Variants in RLBP1 observed in about 807,000 individuals in gnomAD.
The protein encoded by RLBP1 is retinaldehyde-binding protein 1.
RLBP1 carries 26 observed loss-of-function variants against 36.2 expected under a neutral mutation model. That is an observed-to-expected ratio of 0.72 (90% CI 0.53 to 1.00). RLBP1 has a LOEUF of 1.00. Ranked by LOEUF, RLBP1 falls within the 50% of genes least tolerant of loss-of-function variation. RLBP1 has a pLI of 0.00. For synonymous variants in RLBP1, 155 were observed against 156.2 expected, an observed-to-expected ratio of 0.99 and a Z score of 0.06; for missense variants, 410 against 402.4, an observed-to-expected ratio of 1.02 and a Z score of -0.16.
chr15:89,213,011 G>A (rs2051551260), intron 6 of RLBP1, among the ~76,000 whole-genome samples: 1 of 152,260 alleles, frequency 6.6e-6, no homozygotes, highest in South Asian at 2.1e-4. Flanking sequence ...GGGATTACAG[G>A]CATGAGCCAC....
rs146844731 is a variant in RLBP1, at chr15:89,218,967, T to G, written c.9A>C (p.Glu3Asp). ...CCCTGGAGGACAGGGTACTTACCCC[T>G]TCTGACATGTTGCCTATGGAAGACA... MSEGVGTFRMVPE... is the reference protein window; with the variant it reads MSDGVGTFRMVPE... Residue 3 changes from glutamate to aspartate, a missense_variant, in exon 3 of 9, where the codon GAA becomes GAC. Transcript: ENST00000268125. The surrounding 1 kb of genome is among the most constrained non-coding windows in gnomAD (Gnocchi z 4.6). 673 of 1,614,108 alleles carry G rather than the reference T, an allele frequency of 4.2e-4. No homozygotes were observed. The African/African-American group carries it at 7.7e-3, about 19-fold the overall frequency.
rs982830709 is a variant in RLBP1 at position 89,214,071 on chromosome 15, C to A, written c.525+989G>T. ...AGTCCAGAAATAGACCAAGCACATA[C>A]GAAAATATAAAACATGATAAAGATG... On this transcript the variant is annotated intron_variant, in intron 6 of 8. Transcript: ENST00000268125. The surrounding 1 kb of genome is among the most constrained non-coding windows in gnomAD (Gnocchi z 4.6). Among the ~76,000 whole-genome samples, 2 of 151,916 alleles carry A rather than the reference C, an allele frequency of 1.3e-5. No homozygotes were observed. Among genetic ancestry groups the A allele is most frequent in the Non-Finnish European group, 2.9e-5 (2 of 67,996 alleles).
Sources: gnomAD v4.1 joint callset for allele counts (sites outside exome capture counted in the v4.1 genomes callset) on GRCh38, gnomAD v4.1.1 for gene constraint, Gnocchi (gnomAD v3.1) non-coding constraint, MANE v1.5 for transcripts, NCBI Gene and HGNC (gene_info 2026-07-23, HGNC 2026-07-21) for gene names.